ZFYVE27: variants seen among roughly 807,000 people sequenced by gnomAD.
ZFYVE27 encodes the protein protrudin.
A neutral mutation model predicts 52.8 loss-of-function variants in ZFYVE27; 36 were observed. The observed-to-expected ratio is 0.68, with a 90% CI of 0.52 to 0.90. The LOEUF (loss-of-function observed/expected upper bound fraction) is 0.90, where lower values mean the gene tolerates loss of function less well. Ranked by LOEUF, ZFYVE27 falls within the 40% of genes least tolerant of loss-of-function variation. The pLI, the probability that ZFYVE27 is intolerant of heterozygous loss-of-function variation, is 0.00. For synonymous variants in ZFYVE27, 223 were observed against 215.6 expected (o/e 1.03, Z -0.30); for missense variants, 450 against 527.2 (o/e 0.85, Z 1.43).
At chr10:97,750,042 G>A (rs1206765613) in intron 6 of ZFYVE27, 1 of 467,680 alleles carries the variant, frequency 2.1e-6, no homozygotes, top group Non-Finnish European at 3.9e-6. Flanking sequence ...ACATATGTTT[G>A]GGTGATTGCT....
At chr10:97,745,205 T>G (rs945418960) in intron 4 of ZFYVE27, among the ~76,000 whole-genome samples, 1 of 151,588 alleles carries the variant, frequency 6.6e-6, no homozygotes, top group Non-Finnish European at 1.5e-5. Context: ...AGACAGAGTT[T>G]CGCTCTCGTT....
At position 97,738,910 on chromosome 10, in the gene ZFYVE27, G is replaced by A. The variant is rs116779000; in HGVS notation, c.197+236G>A. On this transcript the variant is annotated intron_variant, in intron 2 of 12. Coordinates refer to ENST00000684270, the MANE Select transcript of ZFYVE27 (RefSeq NM_001385875.1). ...GCCTTTCAGCAAGGTTCTTCTTTGT[G>A]ACTGAATAAGCTCCTTCCTCTGGAC... 989 of 553,820 alleles carry A rather than the reference G, an allele frequency of 1.8e-3. 6 individuals are homozygous for A. Among genetic ancestry groups the A allele is most frequent in the African/African-American group, 0.016 (858 of 53,244 alleles). 34.3% of individuals were successfully genotyped at this position (553,820 alleles called of 1,614,324 possible). A position where few individuals can be genotyped will look rare whatever the true frequency, so the allele number is the denominator to read the frequency against.
chr10:97,750,594 C>T (rs79085066), intron 7 of ZFYVE27, 124 bp downstream of exon 7: 57,451 of 1,264,888 alleles, frequency 0.045, 1,508 homozygotes, highest in Non-Finnish European at 0.054. Flanking sequence ...CCTTAACTCC[C>T]CTGAAGTGTT....
At chr10:97,744,171 G>A (rs2044523362) in intron 3 of ZFYVE27, among the ~76,000 whole-genome samples, 1 of 152,194 alleles carries the variant, frequency 6.6e-6, no homozygotes, top group South Asian at 2.1e-4. Flanking sequence ...TGTTTAGTAA[G>A]CATTTATTAT....
intron 12 of ZFYVE27, chr10:97,757,949 A>C: frequency 1.9e-6 from 1 of 521,934 alleles, no homozygotes; most frequent in South Asian, 2.5e-5. Flanking sequence ...CAAGATGAAT[A>C]CCTGTGGCTG....
chr10:97,739,885 G>GTTTTTTTGTTTTTTGT (rs1554886947), intron 2 of ZFYVE27, among the ~76,000 whole-genome samples: 35 of 137,282 alleles, frequency 2.5e-4, no homozygotes, highest in East Asian at 4.4e-4. Context: ...TTAGAAAAGT[G>GTTTTTTTGTTTTTTGT]TTTTTTTTTT....
chr10:97,757,837 C>A, intron 12 of ZFYVE27, 114 bp downstream of exon 12: 1 of 1,033,208 alleles, frequency 9.7e-7, no homozygotes, highest in Admixed American at 2.0e-5. Context: ...TGTAGTCAGG[C>A]CTACGGGAAC....
At position 97,750,798 on chromosome 10, in the gene ZFYVE27, T is replaced by C. The variant is rs186990447; in HGVS notation, c.804+328T>C. Among the ~76,000 whole-genome samples the C allele has an allele frequency of 5.9e-5, 9 of 151,652 alleles. No individual in the cohort carries two copies. The East Asian group carries it at 1.6e-3, about 26-fold the overall frequency. ...CTCTGTCACCCAGGCTAGAGGGCAG[T>C]GGGGCAATCACAGCTCACTACAACC... On this transcript the variant is annotated intron_variant, in intron 7 of 12. Coordinates refer to ENST00000684270, the MANE Select transcript of ZFYVE27 (RefSeq NM_001385875.1).
chr10:97,757,214 C>T lies in ZFYVE27; in HGVS notation c.1043-51C>T, dbSNP rs373284697. ...TTTAGAAGCGCCAGGAGCAGGTGAG[C>T]GTGAGAGTCCTGGGATGGGCGGGGG... On this transcript the variant is annotated intron_variant, in intron 10 of 12. Coordinates refer to ENST00000684270, the MANE Select transcript of ZFYVE27 (RefSeq NM_001385875.1). 17 of 1,613,380 alleles carry T rather than the reference C, an allele frequency of 1.1e-5. No individual in the cohort carries two copies. In the African/African-American group the frequency reaches 1.3e-4, roughly 13 times the overall value.
chr10:97,748,409 A>G (rs1300917715), intron 5 of ZFYVE27, 45 bp downstream of exon 5: 1 of 1,595,324 alleles, frequency 6.3e-7, no homozygotes. Context: ...AGGAATTTGC[A>G]GCTTGAGCCC....
At chr10:97,749,622 C>G in intron 6 of ZFYVE27, 36 bp downstream of exon 6, 1 of 1,567,166 alleles carries the variant, frequency 6.4e-7, no homozygotes. Flanking sequence ...GGGGCCCAAG[C>G]TGGCTCTGAG....
At chr10:97,748,907 T>C (rs1385745461) in intron 5 of ZFYVE27, among the ~76,000 whole-genome samples, 1 of 152,242 alleles carries the variant, frequency 6.6e-6, no homozygotes, top group Non-Finnish European at 1.5e-5. Context: ...AGAAAATTTT[T>C]CTTGGAGTAA....
At chr10:97,748,201 G>A in intron 4 of ZFYVE27, 68 bp from the exon 5 acceptor site, 1 of 1,467,960 alleles carries the variant, frequency 6.8e-7, no homozygotes, top group East Asian at 2.3e-5. Flanking sequence ...AACTGTACCT[G>A]CAAGGCCCCA....
intron 2 of ZFYVE27, among the ~76,000 whole-genome samples, chr10:97,741,147 C>T (rs1281242765): frequency 6.6e-6 from 1 of 152,130 alleles, no homozygotes; most frequent in Non-Finnish European, 1.5e-5. Context: ...AGTAAAAGCC[C>T]CTTTACACTG....
intron 12 of ZFYVE27, chr10:97,757,978 A>C: frequency 4.2e-6 from 2 of 472,482 alleles, no homozygotes; most frequent in South Asian, 5.7e-5. Context: ...AAGTTGAAAA[A>C]CAAGAGCCCT....
intron 4 of ZFYVE27, among the ~76,000 whole-genome samples, chr10:97,747,737 C>A (rs1184724238): frequency 6.6e-6 from 1 of 152,138 alleles, no homozygotes; most frequent in Non-Finnish European, 1.5e-5. Context: ...CTTCCCTGCC[C>A]CAGCCCTGGA....
chr10:97,757,078 G>A (rs1349953598), intron 10 of ZFYVE27, 187 bp from the exon 11 acceptor site: 2 of 693,084 alleles, frequency 2.9e-6, no homozygotes, highest in African/African-American at 1.8e-5. Flanking sequence ...CAGTCCTCAG[G>A]GGCTATCAGT....
At chr10:97,739,883 G>GTGTTTTTTTGTTTTT (rs147444844) in intron 2 of ZFYVE27, among the ~76,000 whole-genome samples, 17,340 of 105,262 alleles carry the variant, frequency 0.16, 1,031 homozygotes, top group South Asian at 0.21. Flanking sequence ...AGTTAGAAAA[G>GTGTTTTTTTGTTTTT]TGTTTTTTTT....
chr10:97,744,904 G>C lies in ZFYVE27; in HGVS notation c.444G>C (p.Glu148Asp). 6.3e-7 allele frequency: 1 copy of C among 1,579,948 alleles called. No homozygotes were observed. Among genetic ancestry groups the C allele is most frequent in the East Asian group, 2.3e-5 (1 of 43,728 alleles). The change falls in exon 4 of 13, where the codon GAG becomes GAC. Residue 148 changes from glutamate (E) to aspartate (D), a missense_variant. Transcript: ENST00000684270. Reference sequence around the variant, plus strand: ...TGTCTCGTCCCGAGGCCGTGGCTGAGGTGAAGAGCTTGTGAGTATGGAAGA... The same window carrying C: ...TGTCTCGTCCCGAGGCCGTGGCTGACGTGAAGAGCTTGTGAGTATGGAAGA... Reference protein sequence around the residue: ...GRLSRPEAVAEVKSFLIQLEA... With the variant: ...GRLSRPEAVADVKSFLIQLEA...
Sources: allele counts gnomAD v4.1 joint callset (sites outside exome capture counted in the v4.1 genomes callset), GRCh38; gene constraint gnomAD v4.1.1; transcripts MANE v1.5; gene names NCBI Gene and HGNC (gene_info 2026-07-23, HGNC 2026-07-21).